The following ABI2 variants were observed in gnomAD, a reference collection of about 807,000 sequenced individuals.
ABI2 encodes abl interactor 2.
ABI2 carries 25 observed loss-of-function variants against 59.2 expected under a neutral mutation model. That is an observed-to-expected ratio of 0.42 (90% confidence interval 0.31 to 0.59). The LOEUF is 0.59. ABI2 is among the 20% of genes least tolerant of loss of function. The probability of loss-of-function intolerance (pLI) is 0.14; values close to 1 mark genes in which losing one functional copy is unlikely to be tolerated. For synonymous variants in ABI2, 213 were observed against 235.5 expected, an observed-to-expected ratio of 0.90 and a Z score of 0.87; for missense variants, 545 against 681.8, an observed-to-expected ratio of 0.80 and a Z score of 2.23.
At chr2:203,424,156 T>C (rs1239786090) in intron 11 of ABI2, among the ~76,000 whole-genome samples, 2 of 152,192 alleles carry the variant, frequency 1.3e-5, no homozygotes. Flanking sequence ...CTAAATAAAA[T>C]CTAGACAGAT....
chr2:203,374,326 C>G (rs1013412645), intron 2 of ABI2, among the ~76,000 whole-genome samples: 1 of 151,536 alleles, frequency 6.6e-6, no homozygotes, highest in Non-Finnish European at 1.5e-5. Flanking sequence ...ATAGTGAAAC[C>G]CTGTCGCTAC....
intron 2 of ABI2, among the ~76,000 whole-genome samples, chr2:203,368,334 G>T (rs573363679): frequency 1.3e-5 from 2 of 151,948 alleles, no homozygotes; most frequent in Non-Finnish European, 2.9e-5. Context: ...TTCTATTTTA[G>T]CACTCTTGTC....
chr2:203,362,653 A>G (rs895932391), intron 1 of ABI2, among the ~76,000 whole-genome samples: 10 of 151,746 alleles, frequency 6.6e-5, no homozygotes, highest in African/African-American at 2.2e-4. Context: ...CAGCCTTCCA[A>G]GTAGCTGGGA....
intron 11 of ABI2, among the ~76,000 whole-genome samples, chr2:203,420,889 T>G (rs912697518): frequency 3.3e-5 from 5 of 149,482 alleles, no homozygotes; most frequent in African/African-American, 9.9e-5. Flanking sequence ...AGGAAGGGCC[T>G]TCCAAGCTGA....
intron 4 of ABI2, among the ~76,000 whole-genome samples, chr2:203,384,305 T>TTTTTGTTTTTG (rs1559289494): frequency 2.1e-5 from 3 of 144,212 alleles, no homozygotes; most frequent in African/African-American, 2.7e-5. Flanking sequence ...TTTTTTTTTT[T>TTTTTGTTTTTG]TTTTTTTTTT....
intron 2 of ABI2, among the ~76,000 whole-genome samples, chr2:203,373,411 C>T (rs2095443595): frequency 6.6e-6 from 1 of 152,086 alleles, no homozygotes; most frequent in Non-Finnish European, 1.5e-5. Context: ...AAGATGGCAG[C>T]AGTACAGTCC....
intron 1 of ABI2, among the ~76,000 whole-genome samples, chr2:203,345,608 C>T (rs2152605931): frequency 6.6e-6 from 1 of 152,134 alleles, no homozygotes; most frequent in South Asian, 2.1e-4. Context: ...GGGGTTTCAC[C>T]GTCTTGGCCA....
intron 1 of ABI2, chr2:203,355,234 C>T (rs756689002): frequency 6.3e-5 from 24 of 380,878 alleles, no homozygotes; most frequent in South Asian, 7.9e-5. Context: ...AGACTGGGTA[C>T]GGTGGCTCAT....
chr2:203,361,231 A>G (rs1385018579), intron 1 of ABI2, among the ~76,000 whole-genome samples: 1 of 152,146 alleles, frequency 6.6e-6, no homozygotes, highest in East Asian at 1.9e-4. Context: ...TGCTTTTGGC[A>G]GGCTTGGGTC....
intron 5 of ABI2, among the ~76,000 whole-genome samples, chr2:203,391,609 C>T (rs2096743039): frequency 6.6e-6 from 1 of 151,840 alleles, no homozygotes; most frequent in Non-Finnish European, 1.5e-5. Flanking sequence ...TCACTTGAGC[C>T]CAGGAGTTTA....
rs183153286 is a variant in ABI2, at chr2:203,347,924, C to G, written c.118-18953C>G. Among the ~76,000 whole-genome samples, 364 of 152,214 alleles carry G rather than the reference C, an allele frequency of 2.4e-3. 1 individual carries two copies. Among genetic ancestry groups the G allele is most frequent in the Admixed American group, 9.3e-3 (142 of 15,282 alleles). On this transcript the variant is annotated intron_variant, in intron 1 of 11. Coordinates refer to ENST00000261018, the MANE Select transcript of ABI2 (RefSeq NM_001375670.1). ...AGATATTTAGGATTTGATCATTAAC[C>G]AGGTGATAATATAAGCATGAAAAAA...
chr2:203,421,738 C>T (rs958196368), intron 11 of ABI2, among the ~76,000 whole-genome samples: 25 of 151,800 alleles, frequency 1.6e-4, no homozygotes, highest in South Asian at 2.1e-4. Flanking sequence ...AGGCCAAGGC[C>T]GGCAGATGAC....
At chr2:203,367,314 T>G in intron 2 of ABI2, 3 of 216,308 alleles carry the variant, frequency 1.4e-5, no homozygotes, top group African/African-American at 2.7e-5. Flanking sequence ...ACTTCATCCA[T>G]TCCCCCGCCT....
intron 1 of ABI2, among the ~76,000 whole-genome samples, chr2:203,339,593 AAAAAG>A (rs1171007726): frequency 6.6e-6 from 1 of 151,722 alleles, no homozygotes; most frequent in East Asian, 1.9e-4. Context: ...AAAAAAAAAA[AAAAAG>A]AAAAAGAAAA....
At chr2:203,415,942 A>C (rs2097874482) in intron 10 of ABI2, among the ~76,000 whole-genome samples, 1 of 152,230 alleles carries the variant, frequency 6.6e-6, no homozygotes, top group African/African-American at 2.4e-5. Flanking sequence ...AATTACTCTG[A>C]TAGTACACTT....
intron 1 of ABI2, among the ~76,000 whole-genome samples, chr2:203,362,404 T>A (rs1166808454): frequency 6.6e-6 from 1 of 152,186 alleles, no homozygotes; most frequent in Non-Finnish European, 1.5e-5. Context: ...GTTCTGGGGG[T>A]AGTTGCTTTA....
chr2:203,420,725 C>T (rs1402077074), intron 11 of ABI2, among the ~76,000 whole-genome samples: 1 of 152,110 alleles, frequency 6.6e-6, no homozygotes, highest in East Asian at 1.9e-4. Flanking sequence ...CTTCGTACCT[C>T]TAAAAGTCAG....
At chr2:203,346,717 T>A (rs748777901) in intron 1 of ABI2, among the ~76,000 whole-genome samples, 11 of 152,222 alleles carry the variant, frequency 7.2e-5, no homozygotes, top group Non-Finnish European at 1.5e-4. Flanking sequence ...ATGAATTAAC[T>A]TCTTTAAGGG....
chr2:203,366,898 C>G lies in ABI2; in HGVS notation c.139C>G (p.Leu47Val). 1 of 1,604,238 alleles carries G rather than the reference C, an allele frequency of 6.2e-7. No homozygotes were observed. The highest frequency in any genetic ancestry group is 1.7e-5 in the Admixed American group (1 of 59,232). Residue 47 changes from leucine to valine, a missense_variant, in exon 2 of 12, where the codon CTA becomes GTA. By Grantham distance (32) the Leu-to-Val change is conservative. This residue lies in a region of ABI2 where 55 missense variants were observed against 59.7 expected (regional missense o/e 0.92). Coordinates refer to ENST00000261018, the MANE Select transcript of ABI2 (RefSeq NM_001375670.1). ...CCAGTCAGCAGATAAGCAGAGAGCCCTAGAAGAAACCAAAGCCTACACCAC... is the reference window on the plus strand; with the variant it reads ...CCAGTCAGCAGATAAGCAGAGAGCCGTAGAAGAAACCAAAGCCTACACCAC... ...YIQSADKQRA[L>V]EETKAYTTQS...
Sources: allele counts gnomAD v4.1 joint callset (sites outside exome capture counted in the v4.1 genomes callset), GRCh38; gene constraint gnomAD v4.1.1; regional missense constraint gnomAD v4.1.1; transcripts MANE v1.5; gene names NCBI Gene and HGNC (gene_info 2026-07-23, HGNC 2026-07-21).